PCDHA2: variants seen among roughly 807,000 people sequenced by gnomAD.
PCDHA2 encodes the protein protocadherin alpha-2.
Under a neutral mutation model 66.0 loss-of-function variants are expected in PCDHA2, and 58 were observed. The ratio of observed to expected loss-of-function variants is 0.88; its 90% confidence interval spans 0.71 to 1.09. The LOEUF (loss-of-function observed/expected upper bound fraction) is 1.09, where lower values mean the gene tolerates loss of function less well. Ranked by LOEUF, PCDHA2 falls within the 50% of genes least tolerant of loss-of-function variation. The pLI is 0.00. For synonymous variants in PCDHA2, 634 were observed against 554.0 expected, an observed-to-expected ratio of 1.14 and a Z score of -2.03; for missense variants, 1,267 against 1,242.3, an observed-to-expected ratio of 1.02 and a Z score of -0.30.
At position 140,970,818 on chromosome 5, in the gene PCDHA2, G is replaced by A. The variant is rs77234853; in HGVS notation, c.2389-8131G>A. Among the ~76,000 whole-genome samples, 569 of 152,084 alleles carry A rather than the reference G, an allele frequency of 3.7e-3. 1 individual carries two copies. The highest frequency in any genetic ancestry group is 5.8e-3 in the South Asian group (28 of 4,824). On this transcript the variant is annotated intron_variant, in intron 1 of 3. Coordinates refer to ENST00000526136, the MANE Select transcript of PCDHA2 (RefSeq NM_018905.3). ...CATATTGTTACATTTCAAGTTCATGGTAATCTTGAGGAATGTAATGCACAG... is the reference window on the plus strand; with the variant it reads ...CATATTGTTACATTTCAAGTTCATGATAATCTTGAGGAATGTAATGCACAG...
chr5:140,985,389 C>T (rs1376347712), intron 3 of PCDHA2, among the ~76,000 whole-genome samples: 1 of 152,266 alleles, frequency 6.6e-6, no homozygotes, highest in African/African-American at 2.4e-5. Context: ...AATCCAGTCA[C>T]CCCAACTGTT....
At position 140,857,384 on chromosome 5, in the gene PCDHA2, G is replaced by A; in HGVS notation, c.2388+60032G>A. 7 of 1,598,500 alleles carry A rather than the reference G, an allele frequency of 4.4e-6. 1 individual carries two copies. The highest frequency in any genetic ancestry group is 2.7e-5 in the African/African-American group (2 of 74,484). On this transcript the variant is annotated intron_variant, in intron 1 of 3. Transcript: ENST00000526136. ...GGCCAGCGTGTCTGTGGAGGTGGCC[G>A]ACGTGAACGACAACGCGCCTGCGTT...
At chr5:140,835,806 T>G (rs1271549393) in intron 1 of PCDHA2, 2 of 1,612,866 alleles carry the variant, frequency 1.2e-6, no homozygotes, top group African/African-American at 2.7e-5. Flanking sequence ...CTGCCACATC[T>G]TCACTGTGTC....
chr5:140,906,889 G>T (rs1397235059), intron 1 of PCDHA2, among the ~76,000 whole-genome samples: 1 of 152,172 alleles, frequency 6.6e-6, no homozygotes, highest in Non-Finnish European at 1.5e-5. Flanking sequence ...TTCCTTCTTA[G>T]ATTGTTGGTT....
intron 1 of PCDHA2, among the ~76,000 whole-genome samples, chr5:140,950,636 T>A (rs528587890): frequency 1.4e-3 from 206 of 152,222 alleles, no homozygotes; most frequent in Non-Finnish European, 2.4e-3. Flanking sequence ...TTTATTTTTA[T>A]CCTGTTTATG....
intron 1 of PCDHA2, among the ~76,000 whole-genome samples, chr5:140,838,286 T>A (rs1216853722): frequency 2.0e-5 from 3 of 149,522 alleles, no homozygotes; most frequent in Admixed American, 6.7e-5. Flanking sequence ...GCTAATTTTT[T>A]TTTTTTTTTG....
chr5:140,881,669 T>C (rs1030695213), intron 1 of PCDHA2, among the ~76,000 whole-genome samples: 17 of 152,248 alleles, frequency 1.1e-4, no homozygotes, highest in African/African-American at 4.1e-4. Context: ...TTTATTCTTA[T>C]GTGATTGTTA....
intron 3 of PCDHA2, among the ~76,000 whole-genome samples, chr5:141,008,432 C>T (rs2098376587): frequency 6.6e-6 from 1 of 152,082 alleles, no homozygotes. Context: ...ATCACTTTGC[C>T]CAGACAGACC....
chr5:140,861,488 T>C lies in PCDHA2; in HGVS notation c.2388+64136T>C, dbSNP rs182152713. 8.2e-6 allele frequency: 4 copies of C among 489,384 alleles called. No individual in the cohort carries two copies. In the East Asian group the frequency reaches 1.8e-4, roughly 21 times the overall value. The allele number at this position is 489,384 out of a possible 1,614,324, so 30.3% of individuals were successfully genotyped here. A position where few individuals can be genotyped will look rare whatever the true frequency, so the allele number is the denominator to read the frequency against. On this transcript the variant is annotated intron_variant, in intron 1 of 3. Transcript: ENST00000526136. ...ATCTGCAGAATGGCATTTTTGTGAGTTCTCTGATAGACCTCGAGGAGCTGT... is the reference window on the plus strand; with the variant it reads ...ATCTGCAGAATGGCATTTTTGTGAGCTCTCTGATAGACCTCGAGGAGCTGT...
intron 1 of PCDHA2, among the ~76,000 whole-genome samples, chr5:140,894,188 A>AT (rs1157134749): frequency 1.1e-4 from 17 of 152,072 alleles, no homozygotes; most frequent in African/African-American, 4.1e-4. Flanking sequence ...ATAGTTATAT[A>AT]TTTTTTCTAT....
At chr5:140,928,808 G>A (rs782344407) in intron 1 of PCDHA2, 3 of 1,614,062 alleles carry the variant, frequency 1.9e-6, no homozygotes, top group Non-Finnish European at 2.5e-6. Flanking sequence ...GTAGTGGTTC[G>A]GGACCATGGA....
At position 140,803,482 on chromosome 5, in the gene PCDHA2, A is replaced by C. The variant is rs372995948; in HGVS notation, c.2388+6130A>C. ...AGGCAGCAGAGGGTGTGCTCTGGAGAGGGGTTGCCCAAGACCGACCTCATG... is the reference window on the plus strand; with the variant it reads ...AGGCAGCAGAGGGTGTGCTCTGGAGCGGGGTTGCCCAAGACCGACCTCATG... On this transcript the variant is annotated intron_variant, in intron 1 of 3. Coordinates refer to ENST00000526136, the MANE Select transcript of PCDHA2 (RefSeq NM_018905.3). 1.2e-6 allele frequency: 2 copies of C among 1,614,206 alleles called. No homozygotes were observed. The highest frequency in any genetic ancestry group is 1.7e-6 in the Non-Finnish European group (2 of 1,180,042).
intron 1 of PCDHA2, chr5:140,870,016 G>T (rs1554163708): frequency 6.2e-7 from 1 of 1,613,566 alleles, no homozygotes; most frequent in African/African-American, 1.3e-5. Flanking sequence ...GAGGGTCAAT[G>T]GAACTTTAGA....
intron 1 of PCDHA2, among the ~76,000 whole-genome samples, chr5:140,937,771 G>T (rs558321540): frequency 6.6e-6 from 1 of 151,436 alleles, no homozygotes; most frequent in Non-Finnish European, 1.5e-5. Context: ...AATTAGTCGG[G>T]CGTGGTGGCG....
intron 1 of PCDHA2, chr5:140,968,722 T>A (rs1379540261): frequency 6.2e-7 from 1 of 1,613,728 alleles, no homozygotes; most frequent in Non-Finnish European, 8.5e-7. Context: ...GAGATGAGAG[T>A]GGTAGCACTT....
At chr5:140,855,706 TCAA>T (rs1176313933) in intron 1 of PCDHA2, among the ~76,000 whole-genome samples, 1 of 149,608 alleles carries the variant, frequency 6.7e-6, no homozygotes, top group African/African-American at 2.5e-5. Context: ...GCACGTGGGA[TCAA>T]CATTTATTGT....
chr5:140,815,532 T>TATATTA (rs1554126820), intron 1 of PCDHA2: 3 of 151,194 alleles, frequency 2.0e-5, no homozygotes, highest in Non-Finnish European at 4.4e-5. Flanking sequence ...ATATTGTGTA[T>TATATTA]ACATTATTTT....
chr5:140,834,797 G>T lies in PCDHA2; in HGVS notation c.2388+37445G>T, dbSNP rs782512269. The T allele has an allele frequency of 3.1e-6, 5 of 1,612,908 alleles. No individual in the cohort carries two copies. The South Asian group carries it at 5.5e-5, about 18-fold the overall frequency. ...CTCCGGTGTTCCCAGCGACACAAAG[G>T]AATCTGTTCATCGCGGAATCCAGGC... On this transcript the variant is annotated intron_variant, in intron 1 of 3. Transcript: ENST00000526136.
intron 1 of PCDHA2, among the ~76,000 whole-genome samples, chr5:140,902,930 A>G (rs1252677303): frequency 1.3e-5 from 2 of 152,190 alleles, no homozygotes; most frequent in Non-Finnish European, 2.9e-5. Context: ...CATGGTGTAT[A>G]TATACCACAT....
Sources: allele counts gnomAD v4.1 joint callset (sites outside exome capture counted in the v4.1 genomes callset), GRCh38; gene constraint gnomAD v4.1.1; transcripts MANE v1.5; gene names NCBI Gene and HGNC (gene_info 2026-07-23, HGNC 2026-07-21).